NCKAP5: variants seen among roughly 807,000 people sequenced by gnomAD.
The protein encoded by NCKAP5 is NCK associated protein 5.
In NCKAP5, 92 loss-of-function variants were observed where a neutral mutation model predicts 167.0. The observed-to-expected ratio is 0.55, with a 90% CI of 0.47 to 0.66. The LOEUF (loss-of-function observed/expected upper bound fraction) is 0.66. Among genes scored for constraint, NCKAP5 ranks in the 30% least tolerant of loss-of-function variants. The pLI, the probability that NCKAP5 is intolerant of heterozygous loss-of-function variation, is 0.00. For synonymous variants in NCKAP5, 891 were observed against 877.4 expected (o/e 1.02, Z -0.27); for missense variants, 2,378 against 2,315.0 (o/e 1.03, Z -0.56).
chr2:133,617,140 A>T, the NCKAP5 span, among the ~76,000 whole-genome samples: 1 of 152,232 alleles, frequency 6.6e-6, no homozygotes, highest in Non-Finnish European at 1.5e-5. Context: ...TTAGGTATTG[A>T]TGGGACATAT....
intron 15 of NCKAP5, among the ~76,000 whole-genome samples, chr2:132,777,337 G>A (rs1682637247): frequency 6.6e-6 from 1 of 152,110 alleles, no homozygotes; most frequent in Non-Finnish European, 1.5e-5. Context: ...GGGAAAAGGG[G>A]AGAAAATAAT....
chr2:132,868,852 A>G (rs1690570027), intron 10 of NCKAP5, 84 bp downstream of exon 10: 2 of 1,008,996 alleles, frequency 2.0e-6, no homozygotes, highest in East Asian at 2.8e-5. Flanking sequence ...GCATCTATCA[A>G]TCACAATTTC....
chr2:133,318,041 A>G (rs1020921054), intron 3 of NCKAP5, among the ~76,000 whole-genome samples: 2 of 152,216 alleles, frequency 1.3e-5, no homozygotes, highest in African/African-American at 4.8e-5. Flanking sequence ...AAAGGGAAAC[A>G]GTGGGAAAAC....
intron 2 of NCKAP5, among the ~76,000 whole-genome samples, chr2:133,536,043 T>C (rs909476035): frequency 1.3e-4 from 20 of 152,312 alleles, no homozygotes; most frequent in African/African-American, 4.6e-4. Context: ...ATTAGTCCTT[T>C]GTCAGATGCA....
At chr2:132,690,579 T>A (rs1686602170) in intron 19 of NCKAP5, among the ~76,000 whole-genome samples, 1 of 152,202 alleles carries the variant, frequency 6.6e-6, no homozygotes, top group Non-Finnish European at 1.5e-5. Context: ...GGTTTCTTTA[T>A]ATGTTGTTTT....
chr2:133,629,860 C>T, the NCKAP5 span, among the ~76,000 whole-genome samples: 1 of 152,140 alleles, frequency 6.6e-6, no homozygotes, highest in Non-Finnish European at 1.5e-5. Flanking sequence ...CCATCATCCT[C>T]AGCAAACTAA....
intron 3 of NCKAP5, among the ~76,000 whole-genome samples, chr2:133,371,676 C>T (rs977615911): frequency 6.6e-6 from 1 of 152,144 alleles, no homozygotes; most frequent in Non-Finnish European, 1.5e-5. Context: ...TGTTTTGTTA[C>T]AAAAATAATA....
the NCKAP5 span, among the ~76,000 whole-genome samples, chr2:133,585,715 C>G: frequency 6.6e-6 from 1 of 152,196 alleles, no homozygotes; most frequent in African/African-American, 2.4e-5. Context: ...TTCATAACAG[C>G]AGTCCTATGC....
chr2:133,544,308 C>T (rs1368007873), intron 2 of NCKAP5, among the ~76,000 whole-genome samples: 8 of 152,116 alleles, frequency 5.3e-5, no homozygotes, highest in Admixed American at 3.9e-4. Flanking sequence ...CAAACACACA[C>T]AATATATCAT....
At chr2:133,470,264 C>G (rs1575014333) in intron 3 of NCKAP5, among the ~76,000 whole-genome samples, 1 of 151,694 alleles carries the variant, frequency 6.6e-6, no homozygotes, top group Non-Finnish European at 1.5e-5. Flanking sequence ...GTTGGAATAC[C>G]CTGCCGTGTG....
At chr2:132,800,017 G>C (rs1352646145) in intron 11 of NCKAP5, among the ~76,000 whole-genome samples, 1 of 152,108 alleles carries the variant, frequency 6.6e-6, no homozygotes, top group Non-Finnish European at 1.5e-5. Flanking sequence ...CTTATGACAA[G>C]AATTTTTATA....
chr2:132,676,283 CTTTTTTTTTTTTTTTT>C (rs61213029), intron 19 of NCKAP5, among the ~76,000 whole-genome samples: 3 of 61,136 alleles, frequency 4.9e-5, no homozygotes, highest in African/African-American at 7.8e-5. Flanking sequence ...TTGTTTTATC[CTTTTTTTTTTTTTTTT>C]TTTTTTTTTT....
At chr2:133,098,843 G>A (rs2081419155) in intron 6 of NCKAP5, among the ~76,000 whole-genome samples, 2 of 152,094 alleles carry the variant, frequency 1.3e-5, no homozygotes, top group Admixed American at 1.3e-4. Context: ...AATTATCAAG[G>A]GAGTTTCTGC....
At chr2:133,662,999 G>C in the NCKAP5 span, among the ~76,000 whole-genome samples, 16 of 152,098 alleles carry the variant, frequency 1.1e-4, no homozygotes, top group African/African-American at 3.9e-4. Context: ...GGGCGCGGTG[G>C]CTCACGCCTG....
chr2:133,397,969 C>T (rs1268829060), intron 3 of NCKAP5, among the ~76,000 whole-genome samples: 3 of 152,052 alleles, frequency 2.0e-5, no homozygotes, highest in African/African-American at 7.2e-5. Context: ...TTTGACAAGT[C>T]CTGTATTAAG....
intron 9 of NCKAP5, among the ~76,000 whole-genome samples, chr2:132,869,678 G>A (rs747179269): frequency 4.5e-4 from 68 of 152,082 alleles, no homozygotes; most frequent in Admixed American, 2.6e-4. Flanking sequence ...TAAGACATAA[G>A]CAGACTATTC....
chr2:133,524,846 G>A (rs1684737531), intron 2 of NCKAP5, among the ~76,000 whole-genome samples: 1 of 152,076 alleles, frequency 6.6e-6, no homozygotes, highest in Non-Finnish European at 1.5e-5. Flanking sequence ...AGCTATTTGT[G>A]GTATAAATGG....
intron 4 of NCKAP5, among the ~76,000 whole-genome samples, chr2:133,290,648 C>T (rs1335041471): frequency 6.7e-6 from 1 of 149,818 alleles, no homozygotes; most frequent in Non-Finnish European, 1.5e-5. Flanking sequence ...GCCATGCTTG[C>T]TTGACTTTTT....
chr2:133,401,961 G>A lies in NCKAP5; in HGVS notation c.70-98851C>T, dbSNP rs75883490. Among the ~76,000 whole-genome samples, 1,029 of 152,218 alleles carry A rather than the reference G, an allele frequency of 6.8e-3. 16 individuals are homozygous for A. The highest frequency in any genetic ancestry group is 0.024 in the African/African-American group (982 of 41,522). On this transcript the variant is annotated intron_variant, in intron 3 of 19. Coordinates refer to ENST00000409261, the MANE Select transcript of NCKAP5 (RefSeq NM_207363.3). ...CTGCTTGTGGCTGCCAAGCTTGCCTGTCATGATCTCTCGAGATTCAGCTCA... is the reference window on the plus strand; with the variant it reads ...CTGCTTGTGGCTGCCAAGCTTGCCTATCATGATCTCTCGAGATTCAGCTCA...
Sources: allele counts gnomAD v4.1 joint callset (sites outside exome capture counted in the v4.1 genomes callset), GRCh38; gene constraint gnomAD v4.1.1; transcripts MANE v1.5; gene names NCBI Gene and HGNC (gene_info 2026-07-23, HGNC 2026-07-21).